SCHIP1: variants seen among roughly 807,000 people sequenced by gnomAD.
The protein encoded by SCHIP1 is schwannomin interacting protein 1, also known as schwannomin-interacting protein 1.
In SCHIP1, 8 loss-of-function variants were observed where a neutral mutation model predicts 29.7. That is an observed-to-expected ratio of 0.27 (90% confidence interval 0.16 to 0.49). The LOEUF (loss-of-function observed/expected upper bound fraction) is 0.49. Ranked by LOEUF, SCHIP1 falls within the 20% of genes least tolerant of loss-of-function variation. The pLI, the probability that SCHIP1 is intolerant of heterozygous loss-of-function variation, is 0.99. For missense variants in SCHIP1, 193 were observed against 294.6 expected, an observed-to-expected ratio of 0.66 and a Z score of 2.52; for synonymous variants, 76 against 94.9, an observed-to-expected ratio of 0.80 and a Z score of 1.16.
chr3:159,862,300 A>G (rs1298944381), intron 1 of SCHIP1, among the ~76,000 whole-genome samples: 1 of 152,222 alleles, frequency 6.6e-6, no homozygotes, highest in African/African-American at 2.4e-5. Context: ...AAAAGCAGAA[A>G]GATCTGGTAT....
chr3:159,509,548 G>C, the SCHIP1 span, among the ~76,000 whole-genome samples: 19 of 152,318 alleles, frequency 1.2e-4, no homozygotes, highest in South Asian at 3.7e-3. Context: ...AGTTGATGCA[G>C]TTTCTTCCTA....
the SCHIP1 span, among the ~76,000 whole-genome samples, chr3:159,694,454 G>A: frequency 6.6e-6 from 1 of 151,604 alleles, no homozygotes; most frequent in African/African-American, 2.4e-5. Flanking sequence ...GTGAGACGGA[G>A]GTTACAGTGA....
chr3:159,347,782 G>A, the SCHIP1 span, among the ~76,000 whole-genome samples: 4 of 151,838 alleles, frequency 2.6e-5, no homozygotes, highest in Admixed American at 2.6e-4. Context: ...TCCTTTTTTT[G>A]TCCAGATTCA....
chr3:159,507,718 A>G, the SCHIP1 span, among the ~76,000 whole-genome samples: 1 of 152,182 alleles, frequency 6.6e-6, no homozygotes, highest in African/African-American at 2.4e-5. Context: ...GCATCTATTG[A>G]GATAATCATG....
the SCHIP1 span, among the ~76,000 whole-genome samples, chr3:159,329,175 C>G: frequency 6.6e-6 from 1 of 152,082 alleles, no homozygotes; most frequent in Non-Finnish European, 1.5e-5. Context: ...ACACCCTACA[C>G]ACACCCCAAA....
At chr3:159,692,013 C>CT in the SCHIP1 span, among the ~76,000 whole-genome samples, 3,429 of 90,964 alleles carry the variant, frequency 0.038, 436 homozygotes, top group African/African-American at 0.1. Flanking sequence ...CCCGACCTTT[C>CT]TTTTTTTTTT....
At chr3:159,484,609 G>T in the SCHIP1 span, among the ~76,000 whole-genome samples, 1 of 152,030 alleles carries the variant, frequency 6.6e-6, no homozygotes, top group African/African-American at 2.4e-5. Context: ...TTAAATGCGG[G>T]CATTTATCTT....
chr3:159,382,257 C>A, the SCHIP1 span, among the ~76,000 whole-genome samples: 1 of 150,212 alleles, frequency 6.7e-6, no homozygotes, highest in East Asian at 2.0e-4. Context: ...TCCCTCCCCC[C>A]TCACCCCACC....
chr3:159,489,117 G>A, the SCHIP1 span, among the ~76,000 whole-genome samples: 9 of 152,174 alleles, frequency 5.9e-5, no homozygotes, highest in African/African-American at 1.9e-4. Flanking sequence ...TGATAAGAAA[G>A]TCCTTTTCAT....
At chr3:159,279,418 T>C in the SCHIP1 span, among the ~76,000 whole-genome samples, 1 of 152,336 alleles carries the variant, frequency 6.6e-6, no homozygotes, top group South Asian at 2.1e-4. Context: ...CGGATATTTC[T>C]TCATAGCAGT....
the SCHIP1 span, among the ~76,000 whole-genome samples, chr3:159,323,848 C>G: frequency 6.6e-6 from 1 of 152,090 alleles, no homozygotes; most frequent in African/African-American, 2.4e-5. Context: ...GGAATGCTAT[C>G]GGTGAGCTAA....
intron 6 of SCHIP1, among the ~76,000 whole-genome samples, 183 bp from the exon 8 acceptor site, chr3:159,896,540 T>A (rs976066599): frequency 6.6e-6 from 1 of 152,240 alleles, no homozygotes; most frequent in Non-Finnish European, 1.5e-5. Flanking sequence ...ATACACAATA[T>A]GTAAAAATTA....
chr3:159,584,855 C>T, the SCHIP1 span, among the ~76,000 whole-genome samples: 1 of 152,036 alleles, frequency 6.6e-6, no homozygotes, highest in Non-Finnish European at 1.5e-5. Flanking sequence ...TCATCCCCTA[C>T]CACTCCCTGT....
chr3:159,692,362 A>G, the SCHIP1 span, among the ~76,000 whole-genome samples: 459 of 150,328 alleles, frequency 3.1e-3, 3 homozygotes, highest in African/African-American at 0.011. Context: ...AGGTACACCA[A>G]TTAGACGTAG....
the SCHIP1 span, among the ~76,000 whole-genome samples, chr3:159,286,572 C>T: frequency 6.6e-6 from 1 of 152,042 alleles, no homozygotes; most frequent in African/African-American, 2.4e-5. Flanking sequence ...GATTTATATT[C>T]CTTTGAGTAT....
the SCHIP1 span, among the ~76,000 whole-genome samples, chr3:159,384,329 A>AT: frequency 1.3e-5 from 2 of 151,920 alleles, no homozygotes; most frequent in Non-Finnish European, 2.9e-5. Context: ...GCGTTGTTGA[A>AT]TTTTGTCAAA....
the SCHIP1 span, among the ~76,000 whole-genome samples, chr3:159,318,174 G>A: frequency 6.6e-6 from 1 of 152,150 alleles, no homozygotes; most frequent in South Asian, 2.1e-4. Flanking sequence ...TCCACAGAAT[G>A]GGTCATCCTA....
chr3:159,459,023 T>A, the SCHIP1 span, among the ~76,000 whole-genome samples: 1 of 152,336 alleles, frequency 6.6e-6, no homozygotes, highest in African/African-American at 2.4e-5. Flanking sequence ...TTCTTCATTG[T>A]TCTAAACTTT....
At chr3:159,652,424 A>C in the SCHIP1 span, among the ~76,000 whole-genome samples, 2 of 152,150 alleles carry the variant, frequency 1.3e-5, no homozygotes, top group African/African-American at 4.8e-5. Context: ...AGGTTTTGAA[A>C]AATTATCTTT....
Sources: gnomAD v4.1 joint callset for allele counts (sites outside exome capture counted in the v4.1 genomes callset) on GRCh38, gnomAD v4.1.1 for gene constraint, MANE v1.5 for transcripts, NCBI Gene and HGNC (gene_info 2026-07-23, HGNC 2026-07-21) for gene names.